Variants in RALGDS observed in about 807,000 individuals in gnomAD.
RALGDS encodes ral guanine nucleotide dissociation stimulator.
In RALGDS, 44 loss-of-function variants were observed where a neutral mutation model predicts 99.8. That is an observed-to-expected ratio of 0.44 (90% CI 0.35 to 0.57). The LOEUF is 0.57. Among genes scored for constraint, RALGDS ranks in the 20% least tolerant of loss-of-function variants. The pLI is 0.01. For synonymous variants in RALGDS, 529 were observed against 505.0 expected (o/e 1.05, Z -0.64); for missense variants, 1,022 against 1,203.1 (o/e 0.85, Z 2.23).
At chr9:133,103,362 G>A in intron 11 of RALGDS, 100 bp from the exon 12 acceptor site, 1 of 1,440,994 alleles carries the variant, frequency 6.9e-7, no homozygotes, top group Non-Finnish European at 9.7e-7. Flanking sequence ...CCAGGGGGCA[G>A]GGCACGCACA....
intron 1 of RALGDS, among the ~76,000 whole-genome samples, chr9:133,138,238 G>A (rs2119265089): frequency 6.6e-6 from 1 of 152,304 alleles, no homozygotes; most frequent in Admixed American, 6.5e-5. Context: ...AGTTCCCCAG[G>A]GCTAGAGAAG....
chr9:133,114,069 GAGCTGGCAGGCCAGC>G lies in RALGDS; in HGVS notation c.184-1932_184-1918del, dbSNP rs1831478444. Among the ~76,000 whole-genome samples the G allele has an allele frequency of 5.3e-5, 8 of 152,336 alleles. No individual in the cohort carries two copies. In the South Asian group the frequency reaches 1.4e-3, roughly 28 times the overall value. Reference sequence around the variant, plus strand: ...CAGGTCTAGAGAGCGGCTCCTCCGTGAGCTGGCAGGCCAGCAGCTGGCCCAGCCCTGCTTGGTGTC... The same window carrying G: ...CAGGTCTAGAGAGCGGCTCCTCCGTGAGCTGGCCCAGCCCTGCTTGGTGTC... On this transcript the variant is annotated intron_variant, in intron 1 of 17. Transcript: ENST00000372050.
chr9:133,102,921 A>G (rs1830829179), intron 12 of RALGDS, 21 bp from the exon 13 acceptor site: 1 of 1,612,212 alleles, frequency 6.2e-7, no homozygotes. Context: ...AGGGAAGCAC[A>G]GGGCGGTGAC....
intron 4 of RALGDS, among the ~76,000 whole-genome samples, chr9:133,109,311 G>A (rs1410463593): frequency 6.6e-6 from 1 of 152,154 alleles, no homozygotes; most frequent in Non-Finnish European, 1.5e-5. Context: ...GAGAGCAGAG[G>A]CTCACCCCAC....
In RALGDS at chr9:133,114,632, G is replaced by A. The variant is rs571840088; in HGVS notation, c.184-2480C>T. Among the ~76,000 whole-genome samples the A allele has an allele frequency of 3.0e-3, 463 of 152,366 alleles. 2 individuals are homozygous for A. The highest frequency in any genetic ancestry group is 0.01 in the African/African-American group (427 of 41,590). ...TCTGGCCGGGCTGGGAGCTCAGAGC[G>A]GGAGGAGCAGGAACGGCCTAGTGAA... On this transcript the variant is annotated intron_variant, in intron 1 of 17. Transcript: ENST00000372050.
intron 17 of RALGDS, 176 bp downstream of exon 17, chr9:133,100,092 G>A: frequency 1.4e-6 from 1 of 710,410 alleles, no homozygotes; most frequent in East Asian, 2.5e-5. Flanking sequence ...CACTGGGGAG[G>A]TCCAGTGGTT....
chr9:133,103,028 G>A, intron 12 of RALGDS, 128 bp from the exon 13 acceptor site: 1 of 1,468,266 alleles, frequency 6.8e-7, no homozygotes, highest in East Asian at 2.3e-5. Flanking sequence ...TGTTCTCAAA[G>A]TTGGGCTCAG....
chr9:133,123,327 G>A (rs1173403975), upstream of RALGDS, among the ~76,000 whole-genome samples: 4 of 152,096 alleles, frequency 2.6e-5, no homozygotes, highest in African/African-American at 4.8e-5. Flanking sequence ...GGGAACAAGC[G>A]CCCACCCGTT....
At chr9:133,131,593 G>T (rs1202831683), upstream of RALGDS, among the ~76,000 whole-genome samples, 1 of 152,056 alleles carries the variant, frequency 6.6e-6, no homozygotes, top group South Asian at 2.1e-4. Flanking sequence ...CACCATCCCT[G>T]CCCCAGCCAC....
At chr9:133,145,437 A>T (rs1832607482) in intron 1 of RALGDS, among the ~76,000 whole-genome samples, 1 of 147,812 alleles carries the variant, frequency 6.8e-6, no homozygotes, top group African/African-American at 2.5e-5. Flanking sequence ...GAATGAGTGA[A>T]TATCCACCTT....
chr9:133,137,575 C>T (rs1489979735), intron 1 of RALGDS, among the ~76,000 whole-genome samples: 1 of 152,228 alleles, frequency 6.6e-6, no homozygotes, highest in African/African-American at 2.4e-5. Flanking sequence ...AGTGCTTTCC[C>T]CCCAGGAACC....
At position 133,102,040 on chromosome 9, in the gene RALGDS, G is replaced by C. The variant is rs200199802; in HGVS notation, c.2109C>G (p.Ile703Met). Residue 703 changes from isoleucine to methionine, a missense_variant, in exon 15 of 18, where the codon ATC becomes ATG. Physicochemically the swap from Ile to Met is conservative, Grantham distance 10. Transcript: ENST00000372050. The part of the protein sequence containing the change: ...RCGPYLSSGD[I>M]ADALSVHSAG... ...CCGAGTGCACGCTGAGCGCGTCAGC[G>C]ATGTCCCCGCTGCTGAGGTAGGGGC... 6.4e-7 allele frequency: 1 copy of C among 1,558,542 alleles called. No individual in the cohort carries two copies. Among genetic ancestry groups the C allele is most frequent in the Non-Finnish European group, 8.7e-7 (1 of 1,150,800 alleles).
intron 6 of RALGDS, 90 bp from the exon 7 acceptor site, chr9:133,107,390 G>A: frequency 8.4e-7 from 1 of 1,195,948 alleles, no homozygotes; most frequent in South Asian, 1.3e-5. Flanking sequence ...GCCTTGTGGG[G>A]ATCTCTGGGT....
At chr9:133,126,607 A>C (rs573738) in intron 1 of RALGDS, among the ~76,000 whole-genome samples, 90,469 of 152,084 alleles carry the variant, frequency 0.59, 28,111 homozygotes, top group East Asian at 0.88. Flanking sequence ...CCACTCCCGC[A>C]GTGCCCAGTG....
chr9:133,103,106 TTC>T (rs1228939579), intron 12 of RALGDS, 122 bp downstream of exon 12: 4 of 1,434,844 alleles, frequency 2.8e-6, no homozygotes, highest in Admixed American at 1.8e-5. Context: ...GGGGACCCCC[TTC>T]TCTCTGTGTC....
At chr9:133,105,041 C>T (rs1281341930) in intron 9 of RALGDS, among the ~76,000 whole-genome samples, 1 of 152,174 alleles carries the variant, frequency 6.6e-6, no homozygotes, top group African/African-American at 2.4e-5. Flanking sequence ...GCCAGAGGCT[C>T]TGCCCCATCT....
intron 1 of RALGDS, among the ~76,000 whole-genome samples, chr9:133,120,551 G>A (rs1201758001): frequency 6.6e-6 from 1 of 151,802 alleles, no homozygotes; most frequent in Non-Finnish European, 1.5e-5. Context: ...TCTAGGATTT[G>A]GCCTTCCCGA....
chr9:133,149,115 G>C (rs1832672937), exon 1 of RALGDS: 1 of 401,476 alleles, frequency 2.5e-6, no homozygotes, highest in Non-Finnish European at 3.5e-6. Flanking sequence ...TCCCCGCCGG[G>C]CCCAGGACTC....
chr9:133,120,852 G>A (rs1831894436), intron 1 of RALGDS, 120 bp downstream of exon 1: 1 of 1,147,006 alleles, frequency 8.7e-7, no homozygotes, highest in Admixed American at 4.2e-5. Flanking sequence ...GAGGAGAGAG[G>A]AGGGAGGCGG....
Sources: allele counts gnomAD v4.1 joint callset (sites outside exome capture counted in the v4.1 genomes callset), GRCh38; gene constraint gnomAD v4.1.1; transcripts MANE v1.5; gene names NCBI Gene and HGNC (gene_info 2026-07-23, HGNC 2026-07-21).